RIPK2: variants seen among roughly 807,000 people sequenced by gnomAD.
The protein encoded by RIPK2 is receptor interacting serine/threonine kinase 2, also known as receptor-interacting serine/threonine-protein kinase 2.
RIPK2 carries 38 observed loss-of-function variants against 60.9 expected under a neutral mutation model. That is an observed-to-expected ratio of 0.62 (90% confidence interval 0.48 to 0.82). RIPK2 has a LOEUF of 0.82. Among genes scored for constraint, RIPK2 ranks in the 40% least tolerant of loss-of-function variants. The pLI is 0.00. For synonymous variants in RIPK2, 225 were observed against 223.4 expected, an observed-to-expected ratio of 1.01 and a Z score of -0.06; for missense variants, 518 against 647.0, an observed-to-expected ratio of 0.80 and a Z score of 2.16.
At position 89,769,746 on chromosome 8, in the gene RIPK2, T is replaced by A. The variant is rs1298407282; in HGVS notation, c.484-26T>A. 10 of 1,474,516 alleles carry A rather than the reference T, an allele frequency of 6.8e-6. No homozygotes were observed. In the African/African-American group the frequency reaches 1.2e-4, roughly 17 times the overall value. 91.3% of individuals were successfully genotyped at this position (1,474,516 alleles called of 1,614,324 possible). A position where few individuals can be genotyped will look rare whatever the true frequency, so the allele number is the denominator to read the frequency against. On this transcript the variant is annotated intron_variant, in intron 3 of 10. Coordinates refer to ENST00000220751, the MANE Select transcript of RIPK2 (RefSeq NM_003821.6). ...TGGACTTTTTAAAGAGGAAATTTCTTAATTATTTGCTCTTGTCCCTTACAG... is the reference window on the plus strand; with the variant it reads ...TGGACTTTTTAAAGAGGAAATTTCTAAATTATTTGCTCTTGTCCCTTACAG...
chr8:89,765,765 T>A (rs1416907533), intron 3 of RIPK2, among the ~76,000 whole-genome samples: 1 of 151,600 alleles, frequency 6.6e-6, no homozygotes, highest in African/African-American at 2.4e-5. Context: ...CTTTTTTTTT[T>A]ACTTTTTATT....
At chr8:89,761,744 G>A (rs1434915331) in intron 1 of RIPK2, among the ~76,000 whole-genome samples, 1 of 151,128 alleles carries the variant, frequency 6.6e-6, no homozygotes, top group Non-Finnish European at 1.5e-5. Context: ...TGTGTATTCT[G>A]TATGTTAAAA....
rs185707534 is a variant in RIPK2, at chr8:89,775,320, C to T, written c.853+2492C>T. Among the ~76,000 whole-genome samples, 100 of 152,060 alleles carry T rather than the reference C, an allele frequency of 6.6e-4. No homozygotes were observed. The Middle Eastern group carries it at 0.01, about 16-fold the overall frequency. ...AATAAAAAATTAGCCAGACATGGTT[C>T]GTTGCCTGTAATCCCAGCTACTTGG... On this transcript the variant is annotated intron_variant, in intron 6 of 10. Transcript: ENST00000220751.
Position 89,790,404 on chromosome 8 carries a change from T to G in RIPK2, c.1611T>G (p.Asn537Lys). 6.3e-7 allele frequency: 1 copy of G among 1,591,310 alleles called. No individual in the cohort carries two copies. The highest frequency in any genetic ancestry group is 1.1e-5 in the South Asian group (1 of 88,290). ...SRSPSLNLLQ[N>K]KSM The stretch of plus-strand genomic sequence containing the variant: ...CACCATCTTTAAATTTACTTCAAAA[T>G]AAAAGCATGTAAGTGACTGTTTTTC... Residue 537 changes from asparagine (N) to lysine (K), a missense_variant, in exon 11 of 11, where the codon AAT (asparagine) becomes AAG (lysine). Asn to Lys is a moderately conservative substitution (Grantham distance 94). Transcript: ENST00000220751.
At chr8:89,781,354 A>ATTTTTTTTTTTTCTTTTTTTTTTTTTT (rs1554598656) in intron 7 of RIPK2, among the ~76,000 whole-genome samples, 2 of 143,962 alleles carry the variant, frequency 1.4e-5, no homozygotes, top group African/African-American at 5.2e-5. Context: ...AATAGATTGA[A>ATTTTTTTTTTTTCTTTTTTTTTTTTTT]TTTTTTTTTT....
At chr8:89,779,245 T>C (rs1024033915) in intron 6 of RIPK2, among the ~76,000 whole-genome samples, 7 of 151,770 alleles carry the variant, frequency 4.6e-5, no homozygotes, top group African/African-American at 2.4e-5. Context: ...TATTTTTTCT[T>C]AATACTGTCT....
At chr8:89,780,293 A>G (rs1809476938) in intron 7 of RIPK2, 133 bp downstream of exon 7, 2 of 462,094 alleles carry the variant, frequency 4.3e-6, no homozygotes, top group East Asian at 7.8e-5. Flanking sequence ...GGAGTGAGAA[A>G]ATTTACCAGA....
intron 3 of RIPK2, among the ~76,000 whole-genome samples, chr8:89,766,171 A>G (rs1411043861): frequency 6.6e-6 from 1 of 151,912 alleles, no homozygotes; most frequent in African/African-American, 2.4e-5. Context: ...TGTGCTTGTA[A>G]CAATAGTTGT....
At chr8:89,779,320 T>TTTTG (rs1554598413) in intron 6 of RIPK2, among the ~76,000 whole-genome samples, 2 of 130,032 alleles carry the variant, frequency 1.5e-5, no homozygotes, top group African/African-American at 3.0e-5. Flanking sequence ...GTTTTTTTTT[T>TTTTG]TTTTTTTTTT....
chr8:89,784,141 T>TTA lies in RIPK2; in HGVS notation c.1029+2_1029+3insTA, dbSNP rs1694417633. The TTA allele has an allele frequency of 3.6e-6, 2 of 556,168 alleles. No homozygotes were observed. Among genetic ancestry groups the TTA allele is most frequent in the Non-Finnish European group, 5.2e-6 (2 of 382,032 alleles). The allele number at this position is 556,168 out of a possible 1,614,324, so 34.5% of individuals were successfully genotyped here. On this transcript the variant is annotated splice_region_variant and intron_variant, in intron 8 of 10. Coordinates refer to ENST00000220751, the MANE Select transcript of RIPK2 (RefSeq NM_003821.6). ...CCTGTAAATCATGGTCCACAAGAGGTAAAAAAAAAAAAAAAAAAAAAAAGG... is the reference window on the plus strand; with the variant it reads ...CCTGTAAATCATGGTCCACAAGAGGTTAAAAAAAAAAAAAAAAAAAAAAAAGG...
intron 10 of RIPK2, 65 bp downstream of exon 10, chr8:89,789,547 G>T: frequency 7.0e-7 from 1 of 1,435,878 alleles, no homozygotes; most frequent in Non-Finnish European, 9.5e-7. Context: ...GTGTTCAGTG[G>T]ATTTACCATA....
At position 89,790,786 on chromosome 8, in the gene RIPK2, A is replaced by G. The variant is rs1156961169; in HGVS notation, c.*370A>G. 4 of 176,310 alleles carry G rather than the reference A, an allele frequency of 2.3e-5. No homozygotes were observed. The highest frequency in any genetic ancestry group is 2.4e-5 in the Non-Finnish European group (2 of 82,658). The allele number at this position is 176,310 out of a possible 1,614,324, so 10.9% of individuals were successfully genotyped here. A position where few individuals can be genotyped will look rare whatever the true frequency, so the allele number is the denominator to read the frequency against. On this transcript the variant is annotated 3_prime_UTR_variant, in exon 11 of 11. Transcript: ENST00000220751. ...GATGCAATTTGATTTTATGAAGTAT[A>G]TACCCTTTACCCACCAGAGACAGTA...
At chr8:89,785,086 T>C (rs1310829112) in intron 8 of RIPK2, among the ~76,000 whole-genome samples, 1 of 152,078 alleles carries the variant, frequency 6.6e-6, no homozygotes, top group African/African-American at 2.4e-5. Flanking sequence ...CACCACCACA[T>C]TGGGGATCAA....
chr8:89,769,110 GC>G (rs1367690699), intron 3 of RIPK2, among the ~76,000 whole-genome samples: 2 of 151,770 alleles, frequency 1.3e-5, no homozygotes, highest in African/African-American at 2.4e-5. Flanking sequence ...TACAACTGAA[GC>G]AAAACTGTAC....
intron 10 of RIPK2, 76 bp downstream of exon 10, chr8:89,789,558 C>A: frequency 7.3e-7 from 1 of 1,373,586 alleles, no homozygotes. Flanking sequence ...ATTTACCATA[C>A]AATGAGGTTT....
chr8:89,783,191 T>C (rs1809528982), intron 7 of RIPK2, among the ~76,000 whole-genome samples: 1 of 152,210 alleles, frequency 6.6e-6, no homozygotes, highest in Admixed American at 6.5e-5. Flanking sequence ...TGAAGAGTAG[T>C]TGACATTATG....
At chr8:89,781,592 T>C (rs1483289184) in intron 7 of RIPK2, among the ~76,000 whole-genome samples, 2 of 152,120 alleles carry the variant, frequency 1.3e-5, no homozygotes, top group Non-Finnish European at 2.9e-5. Context: ...AAAAAAATCT[T>C]GTATCAATTC....
intron 9 of RIPK2, 149 bp downstream of exon 9, chr8:89,786,835 A>T: frequency 9.5e-6 from 6 of 628,328 alleles, no homozygotes; most frequent in Non-Finnish European, 1.4e-5. Context: ...ATAGGAAAAT[A>T]GTAGTGTGAT....
chr8:89,759,522 T>C, intron 1 of RIPK2: 1 of 408,796 alleles, frequency 2.4e-6, no homozygotes, highest in East Asian at 7.2e-5. Context: ...GCCTGTGGCT[T>C]TTCTTCATTG....
Sources: gnomAD v4.1 joint callset for allele counts (sites outside exome capture counted in the v4.1 genomes callset) on GRCh38, gnomAD v4.1.1 for gene constraint, MANE v1.5 for transcripts, NCBI Gene and HGNC (gene_info 2026-07-23, HGNC 2026-07-21) for gene names.